The following C12orf57 variants were observed in gnomAD, a reference collection of about 807,000 sequenced individuals.
C12orf57 encodes the protein chromosome 12 open reading frame 57.
C12orf57 carries 14 observed loss-of-function variants against 11.3 expected under a neutral mutation model. The observed-to-expected ratio is 1.24, with a 90% CI of 0.82 to 1.94. The LOEUF is 1.94. C12orf57 is among the 30% of genes most tolerant of loss of function. The probability of loss-of-function intolerance (pLI) is 0.00; values close to 1 mark genes in which losing one functional copy is unlikely to be tolerated. For missense variants in C12orf57, 229 were observed against 172.4 expected (o/e 1.33, Z -1.84); for synonymous variants, 100 against 74.6 (o/e 1.34, Z -1.76).
chr12:6,943,467 T>A, upstream of C12orf57: 1 of 1,243,116 alleles, frequency 8.0e-7, no homozygotes, highest in Admixed American at 2.9e-5. Context: ...TTAGGCTCCA[T>A]CGCTCATCAA....
At chr12:6,943,848 AGGCTTTCT>A (rs1255543147), upstream of C12orf57, 126 of 899,044 alleles carry the variant, frequency 1.4e-4, no homozygotes, top group South Asian at 2.1e-4. Context: ...TTTGTCTAGT[AGGCTTTCT>A]GGCTTTTTAC....
chr12:6,945,818 C>G lies in C12orf57; in HGVS notation c.277C>G (p.Pro93Ala). 5 of 1,613,854 alleles carry G rather than the reference C, an allele frequency of 3.1e-6. No individual in the cohort carries two copies. Among genetic ancestry groups the G allele is most frequent in the Non-Finnish European group, 4.2e-6 (5 of 1,179,930 alleles). ...GGTCAAGTCCTACGAAGCCCAGGATCCTGAGATCGCCAGCCTGTCAGGCAA... is the reference window on the plus strand; with the variant it reads ...GGTCAAGTCCTACGAAGCCCAGGATGCTGAGATCGCCAGCCTGTCAGGCAA... ...RLVKSYEAQD[P>A]EIASLSGKLK... is the part of the protein sequence containing the mutation. The change falls in exon 3 of 3, where the codon CCT (proline) becomes GCT (alanine). Residue 93 changes from proline to alanine, a missense_variant. Coordinates refer to ENST00000229281, the MANE Select transcript of C12orf57 (RefSeq NM_138425.4).
upstream of C12orf57, chr12:6,943,601 A>G (rs1945683377): frequency 7.8e-7 from 1 of 1,289,776 alleles, no homozygotes; most frequent in Non-Finnish European, 1.0e-6. Flanking sequence ...ACCAATCAGC[A>G]CCGAACTCAT....
chr12:6,943,960 A>T (rs189017859), upstream of C12orf57: 2 of 1,527,766 alleles, frequency 1.3e-6, no homozygotes, highest in Admixed American at 2.1e-5. Flanking sequence ...ATGCAGTTGT[A>T]AGCTTGGGGT....
upstream of C12orf57, chr12:6,943,979 T>G (rs1442718536): frequency 2.1e-5 from 33 of 1,575,266 alleles, no homozygotes; most frequent in East Asian, 4.5e-5. Flanking sequence ...GTATGAAGGT[T>G]TGGGCCACGC....
chr12:6,944,760 C>G (rs782778078), intron 2 of C12orf57, 108 bp downstream of exon 2: 125 of 1,556,472 alleles, frequency 8.0e-5, no homozygotes, highest in Non-Finnish European at 1.0e-4. Context: ...TCTCGCCACA[C>G]GGCGGCAGCC....
chr12:6,943,941 G>GTGGTCT (rs1345737198), upstream of C12orf57: 2 of 1,425,184 alleles, frequency 1.4e-6, no homozygotes, highest in African/African-American at 2.9e-5. Flanking sequence ...GGTAGTTTTG[G>GTGGTCT]TGGTCTTGAT....
In C12orf57 at chr12:6,944,505, T is replaced by C; in HGVS notation, c.82T>C (p.Ser28Pro). ...VVLAEVIQAF[S>P]APENAVRMDE... ...CCTCGCGGAGGTGATCCAGGCGTTC[T>C]CCGCCCCGGAGAATGCAGTGCGCAT... The change falls in exon 2 of 3, where the codon TCC becomes CCC. Residue 28 changes from serine (S) to proline (P), a missense_variant. Coordinates refer to ENST00000229281, the MANE Select transcript of C12orf57 (RefSeq NM_138425.4). The C allele has an allele frequency of 1.2e-6, 2 of 1,613,240 alleles. No homozygotes were observed. The highest frequency in any genetic ancestry group is 1.7e-6 in the Non-Finnish European group (2 of 1,179,992).
chr12:6,943,512 T>C, upstream of C12orf57: 2 of 1,277,836 alleles, frequency 1.6e-6, no homozygotes, highest in Non-Finnish European at 2.0e-6. Context: ...GACAACGGCT[T>C]TTGCTCTGGG....
At chr12:6,944,955 C>T (rs1486333650) in intron 2 of C12orf57, 1 of 1,054,478 alleles carries the variant, frequency 9.5e-7, no homozygotes, top group Non-Finnish European at 1.3e-6. Flanking sequence ...GGGATGGGAC[C>T]TAAATCTGAA....
At chr12:6,943,848 A>C (rs782368655), upstream of C12orf57, 3 of 899,164 alleles carry the variant, frequency 3.3e-6, no homozygotes, top group Non-Finnish European at 4.7e-6. Flanking sequence ...TTTGTCTAGT[A>C]GGCTTTCTGG....
At position 6,945,916 on chromosome 12, in the gene C12orf57, C is replaced by T. The variant is rs1945795988; in HGVS notation, c.375C>T (p.Ala125=). 4.8e-5 allele frequency: 77 copies of T among 1,611,058 alleles called. No individual in the cohort carries two copies. The highest frequency in any genetic ancestry group is 6.4e-5 in the Non-Finnish European group (76 of 1,179,616). Residue 125 remains alanine, a synonymous_variant, in exon 3 of 3, where the codon GCC becomes GCT. Transcript: ENST00000229281. ...CTGCTGCTGGTGGCAGCGTGGCCGC[C>T]TCCTGAGAGTTGGCCCTCCCTTGTG... The part of the protein sequence containing the change: ...HGPAAGGSVA[A]S
rs781947097 is a variant in C12orf57, at chr12:6,944,558, C to A, written c.135C>A (p.Asn45Lys). The A allele has an allele frequency of 6.2e-7, 1 of 1,613,528 alleles. No individual in the cohort carries two copies. The highest frequency in any genetic ancestry group is 1.3e-5 in the African/African-American group (1 of 74,914). ...ACGAGGCTCGGGATAACGCCTGCAA[C>A]GACATGGGTAAGATGCTGCAATTCG... ...RMDEARDNACNDMGKMLQFVL... is the reference protein window; with the variant it reads ...RMDEARDNACKDMGKMLQFVL... Residue 45 changes from asparagine (N) to lysine (K), a missense_variant, in exon 2 of 3, where the codon AAC (asparagine) becomes AAA (lysine). By Grantham distance (94) the Asn-to-Lys change is moderately conservative (BLOSUM62 0). Transcript: ENST00000229281.
chr12:6,943,857 G>T (rs782253023), upstream of C12orf57: 43 of 937,922 alleles, frequency 4.6e-5, no homozygotes, highest in Middle Eastern at 6.9e-4. Context: ...TAGGCTTTCT[G>T]GCTTTTTACC....
At chr12:6,944,319 A>T in intron 1 of C12orf57, 146 bp downstream of exon 1, 1 of 1,573,050 alleles carries the variant, frequency 6.4e-7, no homozygotes, top group Non-Finnish European at 8.6e-7. Context: ...GACGCCGGGT[A>T]CCGTCCTTCT....
upstream of C12orf57, chr12:6,943,678 TA>T (rs2138228338): frequency 7.8e-7 from 1 of 1,283,142 alleles, no homozygotes; most frequent in East Asian, 5.5e-5. Flanking sequence ...TTCCTTAGAA[TA>T]TTATTTTTCC....
At chr12:6,943,951 T>G (rs782269413), upstream of C12orf57, 8 of 1,485,402 alleles carry the variant, frequency 5.4e-6, no homozygotes, top group African/African-American at 1.4e-5. Context: ...GTGGTCTTGA[T>G]GCAGTTGTAA....
rs782589619 is a variant in C12orf57 at position 6,944,480 on chromosome 12, C to T, written c.57C>T (p.Val19=). 7 of 1,611,860 alleles carry T rather than the reference C, an allele frequency of 4.3e-6. No homozygotes were observed. Among genetic ancestry groups the T allele is most frequent in the Non-Finnish European group, 1.7e-6 (2 of 1,179,760 alleles). Reference sequence around the variant, plus strand: ...TGGGATGCTTCTGGCGCGCAGTGGTCCTCGCGGAGGTGATCCAGGCGTTCT... The same window carrying T: ...TGGGATGCTTCTGGCGCGCAGTGGTTCTCGCGGAGGTGATCCAGGCGTTCT... ...AALSAEQAKV[V]LAEVIQAFSA... is the part of the protein sequence containing the mutation. The change falls in exon 2 of 3, where the codon GTC becomes GTT. Residue 19 remains valine, a synonymous_variant. Transcript: ENST00000229281.
At chr12:6,944,418 G>T in intron 1 of C12orf57, 58 bp from the exon 2 acceptor site, 1 of 1,582,094 alleles carries the variant, frequency 6.3e-7, no homozygotes, top group South Asian at 1.1e-5. Context: ...CGCTGGGCCC[G>T]CTGTCTGTTC....
Sources: allele counts gnomAD v4.1 joint callset, GRCh38; gene constraint gnomAD v4.1.1; transcripts MANE v1.5; gene names NCBI Gene and HGNC (gene_info 2026-07-23, HGNC 2026-07-21).